The following MSH4 variants were observed in gnomAD, a reference collection of about 807,000 sequenced individuals.
The protein encoded by MSH4 is mutS homolog 4, also known as mutS protein homolog 4.
MSH4 carries 106 observed loss-of-function variants against 113.7 expected under a neutral mutation model. The observed-to-expected ratio is 0.93, with a 90% confidence interval of 0.80 to 1.10. MSH4 has a LOEUF of 1.10. Ranked by LOEUF, MSH4 falls within the 50% of genes least tolerant of loss-of-function variation. MSH4 has a pLI of 0.00. For missense variants in MSH4, 1,061 were observed against 1,093.7 expected, an observed-to-expected ratio of 0.97 and a Z score of 0.42; for synonymous variants, 368 against 380.2, an observed-to-expected ratio of 0.97 and a Z score of 0.37.
At position 75,810,324 on chromosome 1, in the gene MSH4, G is replaced by GC. The variant is rs1206688571; in HGVS notation, c.589-368dup. Among the ~76,000 whole-genome samples, 19 of 151,130 alleles carry GC rather than the reference G, an allele frequency of 1.3e-4. No individual in the cohort carries two copies. The East Asian group carries it at 3.7e-3, about 30-fold the overall frequency. On this transcript the variant is annotated intron_variant, in intron 3 of 19. Transcript: ENST00000263187. Reference sequence around the variant, plus strand: ...GTGATCTCAGCTCACTGCAACCTTTGCCCCCTGGGCTCAAACTATTCTCAT... The same window carrying GC: ...GTGATCTCAGCTCACTGCAACCTTTGCCCCCCTGGGCTCAAACTATTCTCAT...
intron 15 of MSH4, among the ~76,000 whole-genome samples, chr1:75,888,053 C>CTTCTGCTT (rs1652165171): frequency 6.7e-6 from 1 of 148,890 alleles, no homozygotes. Flanking sequence ...TCTAGTATGT[C>CTTCTGCTT]GAATGGTATA....
Position 75,883,606 on chromosome 1 carries a change from AT to A in MSH4, c.1907-7del, listed in dbSNP as rs748252844. On this transcript the variant is annotated splice_polypyrimidine_tract_variant and intron_variant, in intron 14 of 19. Coordinates refer to ENST00000263187, the MANE Select transcript of MSH4 (RefSeq NM_002440.4). The stretch of plus-strand genomic sequence containing the variant: ...TATATTAATCTTTAAAAACCATTCT[AT>A]TTTTTTTCTTAAGTTCGACCAGAAT... 1.0e-5 allele frequency: 16 copies of A among 1,593,084 alleles called. No homozygotes were observed. The highest frequency in any genetic ancestry group is 6.8e-5 in the African/African-American group (5 of 74,038).
chr1:75,803,611 C>CT, intron 1 of MSH4, 120 bp from the exon 2 acceptor site: 1 of 737,992 alleles, frequency 1.4e-6, no homozygotes, highest in Non-Finnish European at 2.0e-6. Flanking sequence ...GAGCAAGACT[C>CT]TGTCTCAAAA....
At chr1:75,830,312 A>G (rs1650654272) in intron 7 of MSH4, among the ~76,000 whole-genome samples, 1 of 152,216 alleles carries the variant, frequency 6.6e-6, no homozygotes, top group Admixed American at 6.5e-5. Context: ...TCTACATCTC[A>G]TTGGTGTACC....
rs1467264030 is a variant in MSH4, at chr1:75,822,550, A to G, written c.1131A>G (p.Gln377=). 4 of 1,541,966 alleles carry G rather than the reference A, an allele frequency of 2.6e-6. No individual in the cohort carries two copies. The highest frequency in any genetic ancestry group is 3.5e-6 in the Non-Finnish European group (4 of 1,151,728). ...MRLDCVQELL[Q]DEELFFGLQS... is the part of the protein sequence containing the mutation. Reference sequence around the variant, plus strand: ...TAGATTGTGTTCAAGAACTACTTCAAGATGAGGAACTATTTTTTGGACTTC... The same window carrying G: ...TAGATTGTGTTCAAGAACTACTTCAGGATGAGGAACTATTTTTTGGACTTC... The change falls in exon 7 of 20, where the codon CAA becomes CAG. Residue 377 remains glutamine, a synonymous_variant. Transcript: ENST00000263187.
At chr1:75,901,929 A>G (rs12079950) in intron 19 of MSH4, among the ~76,000 whole-genome samples, 8,118 of 152,096 alleles carry the variant, frequency 0.053, 366 homozygotes, top group African/African-American at 0.12. Context: ...ATTTTTTCAT[A>G]TACCTGTTGG....
In MSH4 at chr1:75,899,639, C is replaced by T. The variant is rs1652465645; in HGVS notation, c.2552C>T (p.Ser851Leu). The T allele has an allele frequency of 6.6e-7, 1 of 1,505,176 alleles. No homozygotes were observed. The highest frequency in any genetic ancestry group is 8.8e-7 in the Non-Finnish European group (1 of 1,132,804). The allele number at this position is 1,505,176 out of a possible 1,614,324, so 93.2% of individuals were successfully genotyped here. ...KNYGLKAAEV[S>L]SLPPSIVLDA... ...CTAGGATTAAAAGCTGCAGAGGTGT[C>T]ATCACTTCCACCATCAATTGTCTTG... The change falls in exon 19 of 20, where the codon TCA becomes TTA. Residue 851 changes from serine (S) to leucine (L), a missense_variant. Coordinates refer to ENST00000263187, the MANE Select transcript of MSH4 (RefSeq NM_002440.4).
intron 8 of MSH4, among the ~76,000 whole-genome samples, chr1:75,866,264 T>G (rs1266569281): frequency 6.6e-6 from 1 of 152,002 alleles, no homozygotes; most frequent in African/African-American, 2.4e-5. Flanking sequence ...TGGGCTCAAG[T>G]GATCCTCCCA....
chr1:75,824,977 A>ATT (rs201777965), intron 7 of MSH4, among the ~76,000 whole-genome samples: 1 of 133,646 alleles, frequency 7.5e-6, no homozygotes, highest in African/African-American at 2.9e-5. Context: ...AATTTAAAGT[A>ATT]TTTTTTTTTC....
intron 7 of MSH4, among the ~76,000 whole-genome samples, chr1:75,847,803 T>C (rs1415994826): frequency 3.3e-5 from 5 of 152,198 alleles, no homozygotes; most frequent in Non-Finnish European, 7.4e-5. Flanking sequence ...ATTAAGGGGT[T>C]AACTCACTCA....
At chr1:75,831,409 T>C (rs1650687337) in intron 7 of MSH4, among the ~76,000 whole-genome samples, 1 of 152,076 alleles carries the variant, frequency 6.6e-6, no homozygotes, top group Non-Finnish European at 1.5e-5. Context: ...TATCCAGGAA[T>C]TGAACTCAGC....
At chr1:75,831,523 A>G (rs148266783) in intron 7 of MSH4, among the ~76,000 whole-genome samples, 2 of 152,326 alleles carry the variant, frequency 1.3e-5, no homozygotes, top group African/African-American at 4.8e-5. Flanking sequence ...AAAATTGGCC[A>G]CATAGTTGGA....
At chr1:75,890,577 T>A in intron 16 of MSH4, 119 bp from the exon 17 acceptor site, 1 of 517,024 alleles carries the variant, frequency 1.9e-6, no homozygotes, top group Non-Finnish European at 3.4e-6. Flanking sequence ...CTCAGCAGGA[T>A]GTCTCTAAGA....
chr1:75,905,617 G>A (rs2100594376), intron 19 of MSH4, among the ~76,000 whole-genome samples: 1 of 152,140 alleles, frequency 6.6e-6, no homozygotes, highest in Middle Eastern at 3.4e-3. Context: ...TTTCTGTTTG[G>A]ATGATCTGGC....
At position 75,912,680 on chromosome 1, in the gene MSH4, T is replaced by A. The variant is rs565587662; in HGVS notation, c.2620-16T>A. The A allele has an allele frequency of 1.1e-3, 1,489 of 1,376,694 alleles. 14 individuals carry two copies. The highest frequency in any genetic ancestry group is 6.6e-3 in the East Asian group (224 of 33,854). 85.3% of individuals were successfully genotyped at this position (1,376,694 alleles called of 1,614,324 possible). A position where few individuals can be genotyped will look rare whatever the true frequency, so the allele number is the denominator to read the frequency against. ...TTTGTGTATATATATATATATTTTT[T>A]TTTTTTCAATGACAGCAAAACCAAA... On this transcript the variant is annotated splice_polypyrimidine_tract_variant and intron_variant, in intron 19 of 19. Coordinates refer to ENST00000263187, the MANE Select transcript of MSH4 (RefSeq NM_002440.4).
chr1:75,819,041 C>T (rs537970042), intron 6 of MSH4, among the ~76,000 whole-genome samples: 5 of 152,188 alleles, frequency 3.3e-5, no homozygotes, highest in East Asian at 3.9e-4. Flanking sequence ...GCTGGGATTA[C>T]GGGTGTAAGC....
At chr1:75,820,218 T>C (rs1201074381) in intron 6 of MSH4, among the ~76,000 whole-genome samples, 1 of 152,228 alleles carries the variant, frequency 6.6e-6, no homozygotes, top group African/African-American at 2.4e-5. Context: ...AGTGTGAATA[T>C]TGTAACTGAT....
chr1:75,811,128 T>C (rs1650182365), intron 4 of MSH4, among the ~76,000 whole-genome samples: 1 of 152,154 alleles, frequency 6.6e-6, no homozygotes. Flanking sequence ...TGCCTTGGCC[T>C]CCCAAAGTGC....
At chr1:75,904,228 G>A (rs1652571376) in intron 19 of MSH4, among the ~76,000 whole-genome samples, 1 of 152,042 alleles carries the variant, frequency 6.6e-6, no homozygotes, top group South Asian at 2.1e-4. Flanking sequence ...TGTAATCATG[G>A]TGAATGATCT....
Sources: allele counts gnomAD v4.1 joint callset (sites outside exome capture counted in the v4.1 genomes callset), GRCh38; gene constraint gnomAD v4.1.1; transcripts MANE v1.5; gene names NCBI Gene and HGNC (gene_info 2026-07-23, HGNC 2026-07-21).